The following RAD51B variants were observed in gnomAD, a reference collection of about 807,000 sequenced individuals.
The protein encoded by RAD51B is RAD51 paralog B.
A neutral mutation model predicts 42.2 loss-of-function variants in RAD51B; 38 were observed. The ratio of observed to expected loss-of-function variants is 0.90; its 90% confidence interval spans 0.70 to 1.18. The LOEUF (loss-of-function observed/expected upper bound fraction) is 1.18. Ranked by LOEUF, RAD51B falls within the 50% of genes most tolerant of loss-of-function variation. The pLI is 0.00. For missense variants in RAD51B, 373 were observed against 400.7 expected, an observed-to-expected ratio of 0.93 and a Z score of 0.59; for synonymous variants, 154 against 145.2, an observed-to-expected ratio of 1.06 and a Z score of -0.43.
intron 10 of RAD51B, among the ~76,000 whole-genome samples, chr14:68,650,598 G>C (rs867954844): frequency 2.0e-5 from 3 of 152,200 alleles, no homozygotes; most frequent in Admixed American, 6.5e-5. Context: ...GCCAAGAAAT[G>C]TCTAAGCAGC....
At chr14:68,651,456 T>C (rs116871058) in intron 11 of RAD51B, among the ~76,000 whole-genome samples, 1 of 152,318 alleles carries the variant, frequency 6.6e-6, no homozygotes, top group Admixed American at 6.5e-5. Flanking sequence ...TGAGCCAGCA[T>C]GCCCGGCCAC....
At chr14:68,090,807 T>G (rs1192553962) in intron 7 of RAD51B, among the ~76,000 whole-genome samples, 1 of 151,114 alleles carries the variant, frequency 6.6e-6, no homozygotes, top group East Asian at 1.9e-4. Flanking sequence ...ACCATTAACT[T>G]GTCATTTAGC....
intron 11 of RAD51B, among the ~76,000 whole-genome samples, chr14:68,651,370 G>C (rs1892695040): frequency 1.3e-5 from 2 of 152,094 alleles, no homozygotes; most frequent in Admixed American, 1.3e-4. Flanking sequence ...ATAAGGTTTT[G>C]CCGTGTTGCC....
At chr14:68,228,725 C>A (rs1041832910) in intron 7 of RAD51B, among the ~76,000 whole-genome samples, 1 of 152,320 alleles carries the variant, frequency 6.6e-6, no homozygotes, top group Middle Eastern at 3.4e-3. Flanking sequence ...TGTGGACACA[C>A]GTCAAATAAT....
intron 8 of RAD51B, chr14:68,387,015 T>C (rs1474864744): frequency 6.6e-6 from 1 of 152,236 alleles, no homozygotes; most frequent in Admixed American, 6.5e-5. Context: ...TATTTATGCA[T>C]TTAAGTCACC....
chr14:67,860,541 A>G (rs2042131032), intron 4 of RAD51B, among the ~76,000 whole-genome samples: 1 of 152,200 alleles, frequency 6.6e-6, no homozygotes, highest in South Asian at 2.1e-4. Flanking sequence ...TTACTGCAAA[A>G]GGAAAAAAAG....
intron 10 of RAD51B, among the ~76,000 whole-genome samples, chr14:68,591,524 C>CT (rs920076448): frequency 6.4e-4 from 98 of 152,316 alleles, no homozygotes; most frequent in African/African-American, 2.3e-3. Context: ...AATCGATATC[C>CT]TTCCAATGAC....
chr14:68,180,724 G>A (rs1372665306), intron 7 of RAD51B, among the ~76,000 whole-genome samples: 5 of 152,144 alleles, frequency 3.3e-5, no homozygotes, highest in Non-Finnish European at 7.3e-5. Context: ...GAAAGACGGC[G>A]AGCAGATGTA....
chr14:68,308,325 AGTTTCTGGTT>A (rs1251995798), intron 8 of RAD51B, among the ~76,000 whole-genome samples: 1 of 152,162 alleles, frequency 6.6e-6, no homozygotes, highest in Non-Finnish European at 1.5e-5. Flanking sequence ...ATGGAGAGTG[AGTTTCTGGTT>A]GTTTGGGACA....
chr14:68,103,108 A>T (rs1395707925), intron 7 of RAD51B, among the ~76,000 whole-genome samples: 1 of 152,174 alleles, frequency 6.6e-6, no homozygotes, highest in African/African-American at 2.4e-5. Context: ...CCCATGACAC[A>T]TGGGGATTAT....
intron 10 of RAD51B, among the ~76,000 whole-genome samples, chr14:68,571,889 A>AG (rs1038539397): frequency 1.3e-5 from 2 of 152,174 alleles, no homozygotes; most frequent in African/African-American, 4.8e-5. Flanking sequence ...TTAAAAGAAG[A>AG]GAAAAAATGA....
At chr14:68,318,601 T>C (rs902863004) in intron 8 of RAD51B, among the ~76,000 whole-genome samples, 2 of 152,222 alleles carry the variant, frequency 1.3e-5, no homozygotes, top group African/African-American at 4.8e-5. Flanking sequence ...TTTGCATTTA[T>C]TTGTTTGCAT....
At chr14:68,653,287 A>T (rs937043536) in intron 11 of RAD51B, among the ~76,000 whole-genome samples, 4 of 152,196 alleles carry the variant, frequency 2.6e-5, no homozygotes, top group Non-Finnish European at 5.9e-5. Context: ...CAGGGGTTGG[A>T]GACTGTAGCG....
At chr14:67,976,446 T>A (rs561531584) in intron 7 of RAD51B, among the ~76,000 whole-genome samples, 7 of 151,402 alleles carry the variant, frequency 4.6e-5, no homozygotes, top group Middle Eastern at 3.4e-3. Flanking sequence ...TTTTGTTTTT[T>A]AATTTTATTT....
rs17106003 is a variant in RAD51B at position 68,609,581 on chromosome 14, G to T, written c.1037-1425G>T. Among the ~76,000 whole-genome samples, 3 of 152,154 alleles carry T rather than the reference G, an allele frequency of 2.0e-5. No homozygotes were observed. The South Asian group carries it at 6.2e-4, about 32-fold the overall frequency. ...GTGTCTTCCACACCAAGTGGCCGCC[G>T]TCCTCAGCCTGGACCGGAAGCTGTG... On this transcript the variant is annotated intron_variant, in intron 10 of 10. Coordinates refer to the RAD51B transcript ENST00000487861.
At chr14:68,195,528 C>G (rs946707479) in intron 7 of RAD51B, among the ~76,000 whole-genome samples, 1 of 152,134 alleles carries the variant, frequency 6.6e-6, no homozygotes, top group Non-Finnish European at 1.5e-5. Context: ...ACTTGTGTTG[C>G]TATGTATCTA....
intron 10 of RAD51B, among the ~76,000 whole-genome samples, chr14:68,487,960 C>T (rs2140275764): frequency 6.6e-6 from 1 of 152,220 alleles, no homozygotes; most frequent in Non-Finnish European, 1.5e-5. Context: ...TGATCTTGCC[C>T]TTCTTATCTG....
intron 7 of RAD51B, among the ~76,000 whole-genome samples, chr14:68,100,258 TAA>T (rs2077265795): frequency 6.6e-6 from 1 of 152,208 alleles, no homozygotes; most frequent in African/African-American, 2.4e-5. Flanking sequence ...AACTATTTTA[TAA>T]GTCATATTGG....
intron 7 of RAD51B, among the ~76,000 whole-genome samples, chr14:68,075,235 G>C (rs978657122): frequency 6.6e-6 from 1 of 152,196 alleles, no homozygotes; most frequent in Admixed American, 6.5e-5. Flanking sequence ...TCACAGGGAA[G>C]AAAGACAGGC....
Sources: gnomAD v4.1 joint callset for allele counts (sites outside exome capture counted in the v4.1 genomes callset) on GRCh38, gnomAD v4.1.1 for gene constraint, MANE v1.5 for transcripts, NCBI Gene and HGNC (gene_info 2026-07-23, HGNC 2026-07-21) for gene names.